Variants in ZNF383 observed in about 807,000 individuals in gnomAD.
ZNF383 encodes the protein zinc finger protein 383.
ZNF383 carries 32 observed loss-of-function variants against 44.2 expected under a neutral mutation model. The observed-to-expected ratio is 0.72, with a 90% CI of 0.55 to 0.97. ZNF383 has a LOEUF of 0.97. Among genes scored for constraint, ZNF383 ranks in the 50% least tolerant of loss-of-function variants. The pLI is 0.00. For missense variants in ZNF383, 487 were observed against 562.5 expected (o/e 0.87, Z 1.36); for synonymous variants, 155 against 186.2 (o/e 0.83, Z 1.36).
Position 37,243,845 on chromosome 19 carries a change from C to T in ZNF383, c.*181C>T, listed in dbSNP as rs988294094. On this transcript the variant is annotated 3_prime_UTR_variant, in exon 6 of 6. Transcript: ENST00000684119. ...TTCCCTCTCTCCCCCAGTCATATACCGATGCCAGCTGTTCTATAATTCTTT... is the reference window on the plus strand; with the variant it reads ...TTCCCTCTCTCCCCCAGTCATATACTGATGCCAGCTGTTCTATAATTCTTT... The T allele has an allele frequency of 1.5e-5, 7 of 472,500 alleles. No individual in the cohort carries two copies. Among genetic ancestry groups the T allele is most frequent in the African/African-American group, 5.9e-5 (3 of 51,266 alleles). 29.3% of individuals were successfully genotyped at this position (472,500 alleles called of 1,614,324 possible).
chr19:37,237,558 A>G (rs1973879239), intron 5 of ZNF383, among the ~76,000 whole-genome samples: 2 of 152,192 alleles, frequency 1.3e-5, no homozygotes, highest in South Asian at 4.1e-4. Flanking sequence ...TGAAGCCTAC[A>G]TTCTAGAGGG....
chr19:37,228,690 C>G (rs1437545130), intron 2 of ZNF383, among the ~76,000 whole-genome samples: 1 of 151,890 alleles, frequency 6.6e-6, no homozygotes, highest in Admixed American at 6.6e-5. Context: ...TGTGATGGGT[C>G]CTTCTGGCTT....
chr19:37,227,465 A>G (rs1161487892), intron 2 of ZNF383: 1 of 152,160 alleles, frequency 6.6e-6, no homozygotes, highest in Non-Finnish European at 1.5e-5. Context: ...TAATATCACT[A>G]TATAATTATT....
At chr19:37,239,833 A>C (rs973792447) in intron 5 of ZNF383, among the ~76,000 whole-genome samples, 59 of 152,146 alleles carry the variant, frequency 3.9e-4, no homozygotes, top group African/African-American at 1.4e-3. Context: ...GGCAGTTTCA[A>C]AACTTTACTT....
chr19:37,234,380 C>CTTTTA (rs1233331989), intron 3 of ZNF383, among the ~76,000 whole-genome samples: 7 of 151,938 alleles, frequency 4.6e-5, no homozygotes, highest in East Asian at 3.9e-4. Flanking sequence ...CTTAAGACAA[C>CTTTTA]TTTTATTTTA....
chr19:37,228,170 G>A (rs1221832218), intron 2 of ZNF383, among the ~76,000 whole-genome samples: 1 of 152,232 alleles, frequency 6.6e-6, no homozygotes, highest in Non-Finnish European at 1.5e-5. Context: ...GGTCGGCTAA[G>A]TAACAGGTGC....
chr19:37,238,101 G>A (rs985106091), intron 5 of ZNF383, among the ~76,000 whole-genome samples: 5 of 151,714 alleles, frequency 3.3e-5, no homozygotes, highest in Admixed American at 2.0e-4. Flanking sequence ...GGGTTCAAGC[G>A]ATCCACCCAC....
intron 2 of ZNF383, among the ~76,000 whole-genome samples, chr19:37,226,953 C>T (rs764580248): frequency 6.6e-6 from 1 of 151,798 alleles, no homozygotes; most frequent in African/African-American, 2.4e-5. Context: ...CGACTACAGG[C>T]GTGCGTCACC....
At chr19:37,225,895 T>C (rs1021961523) in intron 2 of ZNF383, among the ~76,000 whole-genome samples, 1 of 151,566 alleles carries the variant, frequency 6.6e-6, no homozygotes, top group Non-Finnish European at 1.5e-5. Flanking sequence ...GTTCAAGCGA[T>C]TCCCCTGTCT....
rs1412168015 is a variant in ZNF383 at position 37,242,602 on chromosome 19, A to T, written c.366A>T (p.Glu122Asp). 1 of 1,613,986 alleles carries T rather than the reference A, an allele frequency of 6.2e-7. No individual in the cohort carries two copies. The highest frequency in any genetic ancestry group is 1.3e-5 in the African/African-American group (1 of 74,930). Residue 122 changes from glutamate (E) to aspartate (D), a missense_variant, in exon 6 of 6, where the codon GAA becomes GAT. Physicochemically the swap from Glu to Asp is conservative, Grantham distance 45. Coordinates refer to ENST00000684119, the MANE Select transcript of ZNF383 (RefSeq NM_001387601.1). ...ACTCCAGTTTTGGAGATGTTTTGGA[A>T]TATAGAAGCCACCTTGCAAAACAAC... The part of the protein sequence containing the change: ...LEYSSFGDVL[E>D]YRSHLAKQLG...
At position 37,235,629 on chromosome 19, in the gene ZNF383, A is replaced by T. The variant is rs1183038354; in HGVS notation, c.90A>T (p.Leu30Phe). Residue 30 changes from leucine (L) to phenylalanine (F), a missense_variant, in exon 4 of 6, where the codon TTA becomes TTT. Leu to Phe is a conservative substitution (Grantham distance 22). Coordinates refer to ENST00000684119, the MANE Select transcript of ZNF383 (RefSeq NM_001387601.1). Reference sequence around the variant, plus strand: ...GCCTGGACCCTGTTCAGAGGGACTTATACAGAGATGTGATGTTGGAGAACT... The same window carrying T: ...GCCTGGACCCTGTTCAGAGGGACTTTTACAGAGATGTGATGTTGGAGAACT... ...WDCLDPVQRD[L>F]YRDVMLENYG... 6.2e-7 allele frequency: 1 copy of T among 1,613,682 alleles called. No individual in the cohort carries two copies. The highest frequency in any genetic ancestry group is 1.1e-5 in the South Asian group (1 of 90,962).
chr19:37,225,482 T>G (rs1290216646), intron 2 of ZNF383, among the ~76,000 whole-genome samples: 1 of 152,190 alleles, frequency 6.6e-6, no homozygotes, highest in Non-Finnish European at 1.5e-5. Context: ...AACTGAATTA[T>G]AACTATTAAG....
intron 5 of ZNF383, among the ~76,000 whole-genome samples, chr19:37,241,042 G>A (rs1974059216): frequency 6.6e-6 from 1 of 152,200 alleles, no homozygotes; most frequent in South Asian, 2.1e-4. Context: ...CCTGACCTCA[G>A]GTGATCTGCC....
At chr19:37,230,342 T>C in intron 2 of ZNF383, 67 bp from the exon 3 acceptor site, 2 of 1,126,950 alleles carry the variant, frequency 1.8e-6, no homozygotes, top group Non-Finnish European at 2.7e-6. Flanking sequence ...TTATCTGACC[T>C]CTAGTGTGAT....
At chr19:37,228,432 TATA>T (rs1973290450) in intron 2 of ZNF383, among the ~76,000 whole-genome samples, 1 of 151,020 alleles carries the variant, frequency 6.6e-6, no homozygotes, top group Admixed American at 6.6e-5. Flanking sequence ...TATATATAAT[TATA>T]ATTTATTTTT....
chr19:37,221,749 C>T (rs1218567135), intron 1 of ZNF383, among the ~76,000 whole-genome samples: 1 of 150,056 alleles, frequency 6.7e-6, no homozygotes, highest in Non-Finnish European at 1.5e-5. Flanking sequence ...GAGATCAAGA[C>T]CATCTGGCTA....
rs756266567 is a variant in ZNF383, at chr19:37,243,094, A to G, written c.858A>G (p.Val286=). The part of the protein sequence containing the change: ...HTGEKPYECK[V]CGKAFTKSSQ... ...GTGAAAAACCTTATGAATGTAAAGT[A>G]TGTGGGAAAGCCTTTACTAAGAGCT... The change falls in exon 6 of 6, where the codon GTA becomes GTG. Residue 286 remains valine (V), a synonymous_variant. Transcript: ENST00000684119. The G allele has an allele frequency of 5.3e-5, 85 of 1,614,020 alleles. No individual in the cohort carries two copies. The highest frequency in any genetic ancestry group is 1.6e-4 in the Middle Eastern group (1 of 6,084).
intron 5 of ZNF383, among the ~76,000 whole-genome samples, 173 bp from the exon 6 acceptor site, chr19:37,242,296 C>G (rs1462175778): frequency 6.6e-6 from 1 of 151,898 alleles, no homozygotes; most frequent in East Asian, 1.9e-4. Flanking sequence ...CATTATCTTA[C>G]TAATTTCTTT....
chr19:37,243,507 G>A lies in ZNF383; in HGVS notation c.1271G>A (p.Cys424Tyr), dbSNP rs909566774. 6.2e-7 allele frequency: 1 copy of A among 1,613,974 alleles called. No individual in the cohort carries two copies. The highest frequency in any genetic ancestry group is 1.7e-5 in the Admixed American group (1 of 59,992). ...RIHTDEKPYECNECGKAFNKC... is the reference protein window; with the variant it reads ...RIHTDEKPYEYNECGKAFNKC... ...CATACAGATGAAAAACCATATGAAT[G>A]TAATGAATGTGGAAAGGCCTTTAAT... The change falls in exon 6 of 6, where the codon TGT becomes TAT. Residue 424 changes from cysteine to tyrosine, a missense_variant. Cys to Tyr is a radical substitution (Grantham distance 194, BLOSUM62 -2). Transcript: ENST00000684119.
Sources: allele counts gnomAD v4.1 joint callset (sites outside exome capture counted in the v4.1 genomes callset), GRCh38; gene constraint gnomAD v4.1.1; transcripts MANE v1.5; gene names NCBI Gene and HGNC (gene_info 2026-07-23, HGNC 2026-07-21).